The following MTHFD2L variants were observed in gnomAD, a reference collection of about 807,000 sequenced individuals.
MTHFD2L encodes methylenetetrahydrofolate dehydrogenase (NADP+ dependent) 2 like.
In MTHFD2L, 29 loss-of-function variants were observed where a neutral mutation model predicts 34.9. The ratio of observed to expected loss-of-function variants is 0.83; its 90% CI spans 0.62 to 1.13. The LOEUF (loss-of-function observed/expected upper bound fraction) is 1.13. MTHFD2L is among the 50% of genes most tolerant of loss of function. The pLI is 0.00. For missense variants in MTHFD2L, 481 were observed against 446.5 expected (o/e 1.08, Z -0.70); for synonymous variants, 167 against 155.7 (o/e 1.07, Z -0.54).
intron 5 of MTHFD2L, among the ~76,000 whole-genome samples, chr4:74,207,703 C>T (rs1174954064): frequency 6.7e-6 from 1 of 150,348 alleles, no homozygotes; most frequent in African/African-American, 2.5e-5. Flanking sequence ...TGGAAAATGA[C>T]AATGATTTTT....
chr4:74,283,823 C>T (rs1747798976), intron 7 of MTHFD2L, among the ~76,000 whole-genome samples: 2 of 152,100 alleles, frequency 1.3e-5, no homozygotes, highest in Non-Finnish European at 2.9e-5. Context: ...CATGACTCAG[C>T]CACCCACAGG....
At chr4:74,208,513 A>C (rs951414473) in intron 5 of MTHFD2L, among the ~76,000 whole-genome samples, 2 of 152,188 alleles carry the variant, frequency 1.3e-5, no homozygotes, top group East Asian at 3.8e-4. Context: ...ATGACCTCAT[A>C]GTGTTGTAGG....
chr4:74,281,317 A>G (rs1747434988), intron 6 of MTHFD2L, 108 bp from the exon 7 acceptor site: 3 of 776,554 alleles, frequency 3.9e-6, no homozygotes, highest in Non-Finnish European at 5.2e-6. Context: ...ACAATGTATT[A>G]CACATACGTG....
chr4:74,146,396 C>G (rs184062700), intron 1 of MTHFD2L, among the ~76,000 whole-genome samples: 1 of 151,988 alleles, frequency 6.6e-6, no homozygotes, highest in African/African-American at 2.4e-5. Flanking sequence ...CATCATATCC[C>G]TTTTAAGAAT....
chr4:74,172,397 A>G (rs1728193105), intron 1 of MTHFD2L, among the ~76,000 whole-genome samples: 1 of 152,224 alleles, frequency 6.6e-6, no homozygotes, highest in African/African-American at 2.4e-5. Flanking sequence ...AGATTATTAT[A>G]TTGAATTCAT....
In MTHFD2L at chr4:74,207,635, T is replaced by G. The variant is rs573602591; in HGVS notation, c.712+6265T>G. 4.6e-5 allele frequency among the ~76,000 whole-genome samples: 7 copies of G among 152,344 alleles called. 1 individual carries two copies. Among genetic ancestry groups the G allele is most frequent in the African/African-American group, 1.7e-4 (7 of 41,582 alleles). ...TTCAGTTTTCACACTCAAGCTGTGC[T>G]GCTGCAGCAACTTACTGTATCTCAG... On this transcript the variant is annotated intron_variant, in intron 5 of 7. Transcript: ENST00000325278.
At chr4:74,225,895 T>G (rs1739077761) in intron 6 of MTHFD2L, among the ~76,000 whole-genome samples, 1 of 152,048 alleles carries the variant, frequency 6.6e-6, no homozygotes, top group Non-Finnish European at 1.5e-5. Context: ...AAGGAGAGTA[T>G]CTAGGATAAG....
At chr4:74,291,317 T>C (rs1479418813) in intron 7 of MTHFD2L, among the ~76,000 whole-genome samples, 1 of 151,936 alleles carries the variant, frequency 6.6e-6, no homozygotes, top group Admixed American at 6.6e-5. Context: ...GCCTGGCCCA[T>C]TTCTTTTATA....
chr4:74,189,485 CTT>C (rs55665552), intron 3 of MTHFD2L, among the ~76,000 whole-genome samples: 21,413 of 119,860 alleles, frequency 0.18, 2,413 homozygotes, highest in Middle Eastern at 0.27. Flanking sequence ...GTTTTTCTTC[CTT>C]TTTTTTTTTT....
At chr4:74,162,325 C>T (rs1725626065) in intron 1 of MTHFD2L, 1 of 152,116 alleles carries the variant, frequency 6.6e-6, no homozygotes, top group Non-Finnish European at 1.5e-5. Context: ...AGATTGAGGT[C>T]ATGTCCTTGT....
chr4:74,174,422 G>A (rs1179799342), intron 1 of MTHFD2L, 84 bp from the exon 2 acceptor site: 1 of 1,101,222 alleles, frequency 9.1e-7, no homozygotes, highest in African/African-American at 1.6e-5. Context: ...AATCATGGTG[G>A]TTTTATTGAG....
chr4:74,212,988 C>A (rs1266671375), intron 5 of MTHFD2L, among the ~76,000 whole-genome samples: 1 of 151,114 alleles, frequency 6.6e-6, no homozygotes, highest in East Asian at 1.9e-4. Flanking sequence ...GGTTTAAAGT[C>A]TGTTTTATCA....
intron 1 of MTHFD2L, among the ~76,000 whole-genome samples, chr4:74,152,660 T>C (rs1315709557): frequency 1.3e-5 from 2 of 152,162 alleles, no homozygotes; most frequent in African/African-American, 2.4e-5. Context: ...TTTATCCTAA[T>C]GCTCTCCCTT....
At chr4:74,215,550 G>C (rs1252163711) in intron 5 of MTHFD2L, among the ~76,000 whole-genome samples, 1 of 151,552 alleles carries the variant, frequency 6.6e-6, no homozygotes, top group Non-Finnish European at 1.5e-5. Flanking sequence ...GTCCCAATGA[G>C]ATGAGCCAAG....
chr4:74,190,342 T>C (rs1297664554), intron 3 of MTHFD2L: 1 of 276,284 alleles, frequency 3.6e-6, no homozygotes, highest in Non-Finnish European at 5.5e-6. Context: ...TTATATAGGG[T>C]AAAGGTTAGC....
chr4:74,285,612 T>C (rs1173516117), intron 7 of MTHFD2L, among the ~76,000 whole-genome samples: 2 of 152,152 alleles, frequency 1.3e-5, no homozygotes, highest in African/African-American at 4.8e-5. Flanking sequence ...TTTACTACTA[T>C]TTTTAATCCC....
chr4:74,125,081 G>A (rs1263940554), upstream of MTHFD2L, among the ~76,000 whole-genome samples: 1 of 152,088 alleles, frequency 6.6e-6, no homozygotes, highest in Non-Finnish European at 1.5e-5. Context: ...CACATTGTGG[G>A]GAGGTAGATA....
intron 3 of MTHFD2L, among the ~76,000 whole-genome samples, chr4:74,186,522 A>T (rs1162206108): frequency 6.6e-6 from 1 of 151,312 alleles, no homozygotes; most frequent in Non-Finnish European, 1.5e-5. Flanking sequence ...ATATAGAGGA[A>T]TCGATTTTTA....
intron 6 of MTHFD2L, among the ~76,000 whole-genome samples, chr4:74,276,396 C>G (rs531199548): frequency 1.3e-5 from 2 of 152,080 alleles, no homozygotes; most frequent in African/African-American, 4.8e-5. Flanking sequence ...TTTTGGTTCT[C>G]ACATATAATG....
Sources: gnomAD v4.1 joint callset for allele counts (sites outside exome capture counted in the v4.1 genomes callset) on GRCh38, gnomAD v4.1.1 for gene constraint, MANE v1.5 for transcripts, NCBI Gene and HGNC (gene_info 2026-07-23, HGNC 2026-07-21) for gene names.